Variants in LPCAT3 observed in about 807,000 individuals in gnomAD.
The protein encoded by LPCAT3 is lysophospholipid acyltransferase 5.
In LPCAT3, 21 loss-of-function variants were observed where a neutral mutation model predicts 63.4. The ratio of observed to expected loss-of-function variants is 0.33; its 90% CI spans 0.23 to 0.48. The LOEUF (loss-of-function observed/expected upper bound fraction) is 0.48. Among genes scored for constraint, LPCAT3 ranks in the 20% least tolerant of loss-of-function variants. The pLI is 0.99. For synonymous variants in LPCAT3, 242 were observed against 227.5 expected (o/e 1.06, Z -0.58); for missense variants, 451 against 590.6 (o/e 0.76, Z 2.45).
chr12:6,981,467 G>A (rs1591546841), intron 5 of LPCAT3, 128 bp downstream of exon 5: 1 of 938,466 alleles, frequency 1.1e-6, no homozygotes, highest in East Asian at 2.4e-5. Flanking sequence ...TATCTGAAAG[G>A]GAGATTGCAC....
chr12:6,987,750 C>CT lies in LPCAT3; in HGVS notation c.152-4212dup. 1 of 400,710 alleles carries CT rather than the reference C, an allele frequency of 2.5e-6. No individual in the cohort carries two copies. The highest frequency in any genetic ancestry group is 4.4e-6 in the Non-Finnish European group (1 of 226,214). The allele number at this position is 400,710 out of a possible 1,614,324, so 24.8% of individuals were successfully genotyped here. A position where few individuals can be genotyped will look rare whatever the true frequency, so the allele number is the denominator to read the frequency against. On this transcript the variant is annotated intron_variant, in intron 1 of 12. Coordinates refer to ENST00000261407, the MANE Select transcript of LPCAT3 (RefSeq NM_005768.6). This position sits in a 1 kb window ranked among gnomAD's most constrained non-coding sequence, Gnocchi z 4.1. The stretch of plus-strand genomic sequence containing the variant: ...AAACACCACACATATTACTCTGCCT[C>CT]TTTAAGTTGAATCTAATTTAACATT...
intron 1 of LPCAT3, among the ~76,000 whole-genome samples, chr12:6,992,783 G>A (rs1326093243): frequency 6.6e-6 from 1 of 151,956 alleles, no homozygotes. Context: ...GTTATCTCTT[G>A]GTGTCCATGA....
At chr12:6,993,983 T>G (rs782136483) in intron 1 of LPCAT3, among the ~76,000 whole-genome samples, 28 of 152,170 alleles carry the variant, frequency 1.8e-4, no homozygotes, top group African/African-American at 3.6e-4. Flanking sequence ...TTAGGAACAT[T>G]ATGAAGAATG....
At chr12:6,999,330 A>T (rs1946665416) in intron 1 of LPCAT3, among the ~76,000 whole-genome samples, 2 of 152,188 alleles carry the variant, frequency 1.3e-5, no homozygotes. Context: ...GTGATCAAAA[A>T]TGTCTGAGGG....
intron 2 of LPCAT3, 77 bp downstream of exon 2, chr12:6,983,355 T>G: frequency 1.1e-6 from 1 of 947,126 alleles, no homozygotes; most frequent in Non-Finnish European, 1.7e-6. Context: ...TTAGATTCTC[T>G]CAAGGAAATT....
chr12:7,015,060 TGGG>T (rs1555157502), intron 1 of LPCAT3, among the ~76,000 whole-genome samples: 1 of 152,240 alleles, frequency 6.6e-6, no homozygotes, highest in East Asian at 1.9e-4. Context: ...CTGTGTGTTC[TGGG>T]TCACAATGTA....
chr12:6,994,992 G>A (rs1290261224), intron 1 of LPCAT3, among the ~76,000 whole-genome samples: 1 of 152,052 alleles, frequency 6.6e-6, no homozygotes, highest in Non-Finnish European at 1.5e-5. Flanking sequence ...CACATCTTTA[G>A]TTCTAACTTC....
chr12:7,001,359 T>C (rs1946686049), intron 1 of LPCAT3: 16 of 451,756 alleles, frequency 3.5e-5, no homozygotes, highest in South Asian at 2.5e-4. Context: ...TTGTATAAGC[T>C]TCAGATCCCA....
At position 6,977,390 on chromosome 12, in the gene LPCAT3, A is replaced by G. The variant is rs1217653128; in HGVS notation, c.1324T>C (p.Phe442Leu). ...MGYSMTAFCL[F>L]TWDKWLKVYK... The stretch of plus-strand genomic sequence containing the variant: ...GCCTTAAGCCATTTGTCCCACGTGA[A>G]GAGGCAGAAGGCAGTCATGGAGTAA... Residue 442 changes from phenylalanine to leucine, a missense_variant, in exon 11 of 13, where the codon TTC becomes CTC. This residue lies in a region of LPCAT3 where 304 missense variants were observed against 390.8 expected (regional missense o/e 0.78). Coordinates refer to ENST00000261407, the MANE Select transcript of LPCAT3 (RefSeq NM_005768.6). This position sits in a 1 kb window ranked among gnomAD's most constrained non-coding sequence, Gnocchi z 4.5. 3.1e-6 allele frequency: 5 copies of G among 1,614,220 alleles called. No individual in the cohort carries two copies. Among genetic ancestry groups the G allele is most frequent in the Non-Finnish European group, 3.4e-6 (4 of 1,180,040 alleles).
chr12:6,989,313 G>GTTTT (rs113013257), intron 1 of LPCAT3, among the ~76,000 whole-genome samples: 1 of 126,462 alleles, frequency 7.9e-6, no homozygotes. Flanking sequence ...CAAAATGCGT[G>GTTTT]TTTTTTTTTT....
At position 6,977,026 on chromosome 12, in the gene LPCAT3, G is replaced by C. The variant is rs1235932658; in HGVS notation, c.*12+108C>G. Reference sequence around the variant, plus strand: ...CCCATACTGTGTTCCTTAGTAGCCAGGCTAATCCTTGGAATTCACCCCAGA... The same window carrying C: ...CCCATACTGTGTTCCTTAGTAGCCACGCTAATCCTTGGAATTCACCCCAGA... On this transcript the variant is annotated intron_variant, in intron 12 of 12. Coordinates refer to ENST00000261407, the MANE Select transcript of LPCAT3 (RefSeq NM_005768.6). The surrounding 1 kb of genome is among the most constrained non-coding windows in gnomAD (Gnocchi z 4.5). The C allele has an allele frequency of 8.0e-6, 6 of 745,378 alleles. No homozygotes were observed. The highest frequency in any genetic ancestry group is 1.9e-5 in the Admixed American group (1 of 52,054). 46.2% of individuals were successfully genotyped at this position (745,378 alleles called of 1,614,324 possible). A position where few individuals can be genotyped will look rare whatever the true frequency, so the allele number is the denominator to read the frequency against.
rs1946543862 is a variant in LPCAT3, at chr12:6,987,879, T to C, written c.152-4340A>G. 3 of 400,614 alleles carry C rather than the reference T, an allele frequency of 7.5e-6. No individual in the cohort carries two copies. Among genetic ancestry groups the C allele is most frequent in the South Asian group, 2.5e-4 (2 of 7,948 alleles). The allele number at this position is 400,614 out of a possible 1,614,324, so 24.8% of individuals were successfully genotyped here. ...TGCCTGACTCTAACAAGGCCTACAC[T>C]GTCCTGAGTTCTGAGTTCTTGTGTC... On this transcript the variant is annotated intron_variant, in intron 1 of 12. Coordinates refer to ENST00000261407, the MANE Select transcript of LPCAT3 (RefSeq NM_005768.6). The surrounding 1 kb of genome is among the most constrained non-coding windows in gnomAD (Gnocchi z 4.1).
intron 1 of LPCAT3, among the ~76,000 whole-genome samples, chr12:6,985,360 C>T (rs1946512737): frequency 6.6e-6 from 1 of 151,600 alleles, no homozygotes; most frequent in African/African-American, 2.4e-5. Flanking sequence ...GGCACCACTG[C>T]ACTCCAGCCT....
chr12:6,977,285 G>T lies in LPCAT3; in HGVS notation c.1348-23C>A. The T allele has an allele frequency of 6.2e-7, 1 of 1,610,690 alleles. No homozygotes were observed. Among genetic ancestry groups the T allele is most frequent in the South Asian group, 1.1e-5 (1 of 91,010 alleles). The stretch of plus-strand genomic sequence containing the variant: ...CACCTGTGGAGAGAGAGGCCACTAA[G>T]GTAGACAGGCCTGGAGTGTCCTTTG... On this transcript the variant is annotated intron_variant, in intron 11 of 12. Transcript: ENST00000261407. The surrounding 1 kb of genome is among the most constrained non-coding windows in gnomAD (Gnocchi z 4.5).
chr12:6,990,526 AAAATAAATAAAT>A (rs59048377), intron 1 of LPCAT3, among the ~76,000 whole-genome samples: 42 of 144,504 alleles, frequency 2.9e-4, no homozygotes, highest in East Asian at 2.4e-3. Context: ...AAATTAAAAT[AAAATAAATAAAT>A]AAATAAATAA....
At chr12:7,006,645 C>G (rs114360294) in intron 1 of LPCAT3, among the ~76,000 whole-genome samples, 1 of 152,322 alleles carries the variant, frequency 6.6e-6, no homozygotes, top group African/African-American at 2.4e-5. Context: ...TATCCTTTAG[C>G]TAAAGAATGG....
At position 7,014,221 on chromosome 12, in the gene LPCAT3, C is replaced by T. The variant is rs1309762477; in HGVS notation, c.151+4053G>A. Reference sequence around the variant, plus strand: ...GGCCCATTTCCTATACCCTAACAGACCATAATACCTTTGAGTGCAGGGCTC... The same window carrying T: ...GGCCCATTTCCTATACCCTAACAGATCATAATACCTTTGAGTGCAGGGCTC... On this transcript the variant is annotated intron_variant, in intron 1 of 12. Coordinates refer to ENST00000261407, the MANE Select transcript of LPCAT3 (RefSeq NM_005768.6). 3.3e-5 allele frequency among the ~76,000 whole-genome samples: 5 copies of T among 152,344 alleles called. No homozygotes were observed. The South Asian group carries it at 8.3e-4, about 25-fold the overall frequency.
chr12:7,007,493 C>CTTTTTTT (rs1161030834), intron 1 of LPCAT3, among the ~76,000 whole-genome samples: 2 of 121,710 alleles, frequency 1.6e-5, no homozygotes, highest in Non-Finnish European at 3.4e-5. Context: ...TTGACAAAAG[C>CTTTTTTT]TTTTTTTTTT....
intron 1 of LPCAT3, among the ~76,000 whole-genome samples, chr12:6,994,892 T>G (rs76625682): frequency 1.8e-3 from 272 of 152,330 alleles, no homozygotes; most frequent in Middle Eastern, 6.8e-3. Context: ...GGATCCAGTC[T>G]TGGCCCTCCA....
Sources: gnomAD v4.1 joint callset for allele counts (sites outside exome capture counted in the v4.1 genomes callset) on GRCh38, gnomAD v4.1.1 for gene constraint, gnomAD v4.1.1 regional missense constraint, Gnocchi (gnomAD v3.1) non-coding constraint, MANE v1.5 for transcripts, NCBI Gene and HGNC (gene_info 2026-07-23, HGNC 2026-07-21) for gene names.